Variants in IL22RA1 observed in about 807,000 individuals in gnomAD.
IL22RA1 encodes interleukin-22 receptor subunit alpha-1.
IL22RA1 carries 25 observed loss-of-function variants against 32.8 expected under a neutral mutation model. The ratio of observed to expected loss-of-function variants is 0.76; its 90% CI spans 0.55 to 1.06. The LOEUF is 1.06. Ranked by LOEUF, IL22RA1 falls within the 50% of genes least tolerant of loss-of-function variation. The pLI, the probability that IL22RA1 is intolerant of heterozygous loss-of-function variation, is 0.00. For missense variants in IL22RA1, 709 were observed against 727.4 expected, an observed-to-expected ratio of 0.97 and a Z score of 0.29; for synonymous variants, 305 against 305.0, an observed-to-expected ratio of 1.00 and a Z score of 0.00.
rs751012724 is a variant in IL22RA1, at chr1:24,137,138, C to T, written c.348G>A (p.Leu116=). 25 of 1,612,844 alleles carry T rather than the reference C, an allele frequency of 1.6e-5. No homozygotes were observed. The South Asian group carries it at 2.3e-4, about 15-fold the overall frequency. Residue 116 remains leucine (L), a synonymous_variant, in exon 3 of 7, where the codon CTG becomes CTA. Coordinates refer to ENST00000270800, the MANE Select transcript of IL22RA1 (RefSeq NM_021258.4). ...ACAGGGGCTCCAACTCACTGTGCTG[C>T]AGAGAGCTGAACCTGTCAGTCATCT... is the stretch of plus-strand genomic sequence containing the variant. ...ATKMTDRFSS[L]QHTTLKPPDV... is the part of the protein sequence containing the mutation.
At chr1:24,125,437 A>G (rs1249781592) in intron 5 of IL22RA1, among the ~76,000 whole-genome samples, 1 of 152,206 alleles carries the variant, frequency 6.6e-6, no homozygotes, top group Non-Finnish European at 1.5e-5. Flanking sequence ...AGATGCTGGG[A>G]CAATGCTCTG....
At chr1:24,131,759 A>C (rs1016477474) in intron 4 of IL22RA1, among the ~76,000 whole-genome samples, 1 of 152,158 alleles carries the variant, frequency 6.6e-6, no homozygotes, top group Non-Finnish European at 1.5e-5. Context: ...ACAATTAATC[A>C]CCTTTACCTA....
At position 24,134,307 on chromosome 1, in the gene IL22RA1, T is replaced by G. The variant is rs17852649; in HGVS notation, c.435A>C (p.Pro145=). The G allele has an allele frequency of 0.59, 938,710 of 1,604,604 alleles. 279,127 individuals are homozygous for G. The highest frequency in any genetic ancestry group is 0.71 in the Middle Eastern group (4,260 of 6,030). Residue 145 remains proline, a synonymous_variant, in exon 4 of 7, where the codon CCA becomes CCC. Transcript: ENST00000270800. ...IQMIVHPTPT[P]IRAGDGHRLT... ...GCCGGTGGCCATCGCCTGCACGGAT[T>G]GGCGTGGGGGTAGGATGAACAATCA... is the stretch of plus-strand genomic sequence containing the variant.
At chr1:24,135,900 G>T (rs1388319306) in intron 3 of IL22RA1, among the ~76,000 whole-genome samples, 4 of 152,132 alleles carry the variant, frequency 2.6e-5, no homozygotes, top group Non-Finnish European at 5.9e-5. Flanking sequence ...TTTGGGTGGG[G>T]ACATGGCCAA....
chr1:24,128,365 A>T, intron 4 of IL22RA1, 86 bp from the exon 5 acceptor site: 1 of 1,545,138 alleles, frequency 6.5e-7, no homozygotes, highest in Non-Finnish European at 8.9e-7. Context: ...CTCCTCCTGG[A>T]TTCTGGTTTG....
In IL22RA1 at chr1:24,138,628, C is replaced by A. The variant is rs199753143; in HGVS notation, c.130G>T (p.Gly44Trp). ...ACCGTGTCTGGGGTGCCCTCCGGCC[C>A]GCTGTCCCACGTCAGGATGTTTTCA... Reference protein sequence around the residue: ...NFENILTWDSGPEGTPDTVYS... With the variant: ...NFENILTWDSWPEGTPDTVYS... The change falls in exon 2 of 7, where the codon GGG (glycine) becomes TGG (tryptophan). Residue 44 changes from glycine to tryptophan, a missense_variant. Coordinates refer to ENST00000270800, the MANE Select transcript of IL22RA1 (RefSeq NM_021258.4). 38 of 1,613,976 alleles carry A rather than the reference C, an allele frequency of 2.4e-5. No homozygotes were observed. Among genetic ancestry groups the A allele is most frequent in the African/African-American group, 4.0e-5 (3 of 74,894 alleles).
chr1:24,134,937 C>T (rs769644242), intron 3 of IL22RA1: 14 of 561,118 alleles, frequency 2.5e-5, no homozygotes, highest in Non-Finnish European at 2.5e-5. Flanking sequence ...GGTCTTCTTC[C>T]TGCCAAAATG....
chr1:24,123,201 C>G, intron 6 of IL22RA1, 101 bp downstream of exon 6: 1 of 1,481,324 alleles, frequency 6.8e-7, no homozygotes, highest in Non-Finnish European at 9.0e-7. Context: ...GGCCCATCTC[C>G]TGCTTTGTCT....
chr1:24,132,419 C>T (rs1413136368), intron 4 of IL22RA1, among the ~76,000 whole-genome samples: 1 of 150,926 alleles, frequency 6.6e-6, no homozygotes, highest in Non-Finnish European at 1.5e-5. Context: ...GCAAGCTCCA[C>T]CTCCCGGGTT....
At chr1:24,143,001 G>A in intron 1 of IL22RA1, 39 bp downstream of exon 1, 1 of 1,597,708 alleles carries the variant, frequency 6.3e-7, no homozygotes, top group Non-Finnish European at 8.6e-7. Context: ...TGGCCCCTGG[G>A]ATAAGGGAGG....
In IL22RA1 at chr1:24,134,353, G is replaced by A; in HGVS notation, c.389C>T (p.Ser130Phe). 6.3e-7 allele frequency: 1 copy of A among 1,576,608 alleles called. No homozygotes were observed. The highest frequency in any genetic ancestry group is 8.6e-7 in the Non-Finnish European group (1 of 1,159,700). Residue 130 changes from serine (S) to phenylalanine (F), a missense_variant, in exon 4 of 7, where the codon TCC becomes TTC. By Grantham distance (155) the Ser-to-Phe change is radical (BLOSUM62 -2). Transcript: ENST00000270800. Reference sequence around the variant, plus strand: ...AATCATCTGAATCGATCTCACTTTGGAGATACAGGTCACATCAGGTGGCTT... The same window carrying A: ...AATCATCTGAATCGATCTCACTTTGAAGATACAGGTCACATCAGGTGGCTT... ...TLKPPDVTCI[S>F]KVRSIQMIVH...
chr1:24,126,883 T>C (rs1045598503), intron 5 of IL22RA1, among the ~76,000 whole-genome samples: 3 of 152,038 alleles, frequency 2.0e-5, no homozygotes, highest in Non-Finnish European at 4.4e-5. Flanking sequence ...TTCAAAACTA[T>C]ATCTAGGCTG....
intron 4 of IL22RA1, 126 bp from the exon 5 acceptor site, chr1:24,128,405 T>C (rs1260406837): frequency 8.9e-7 from 1 of 1,125,714 alleles, no homozygotes; most frequent in East Asian, 2.4e-5. Flanking sequence ...CAGCCTCTGT[T>C]TCCATTCCCC....
At chr1:24,123,819 A>G (rs1490101477) in intron 5 of IL22RA1, among the ~76,000 whole-genome samples, 2 of 151,848 alleles carry the variant, frequency 1.3e-5, no homozygotes, top group Non-Finnish European at 2.9e-5. Flanking sequence ...TCCATCCCAC[A>G]CTGCCAGGGC....
In IL22RA1 at chr1:24,120,617, G is replaced by T; in HGVS notation, c.*188C>A. 1.7e-6 allele frequency: 1 copy of T among 587,362 alleles called. No individual in the cohort carries two copies. Among genetic ancestry groups the T allele is most frequent in the Non-Finnish European group, 3.0e-6 (1 of 335,210 alleles). 36.4% of individuals were successfully genotyped at this position (587,362 alleles called of 1,614,324 possible). A position where few individuals can be genotyped will look rare whatever the true frequency, so the allele number is the denominator to read the frequency against. On this transcript the variant is annotated 3_prime_UTR_variant, in exon 7 of 7. Coordinates refer to ENST00000270800, the MANE Select transcript of IL22RA1 (RefSeq NM_021258.4). The stretch of plus-strand genomic sequence containing the variant: ...GCTCCCCCGCTGCAGTCCTTATCAT[G>T]CTGCTTTGCTCCGGTGAGGAGCGCA...
At chr1:24,122,526 TGG>T (rs1216317337) in intron 6 of IL22RA1, among the ~76,000 whole-genome samples, 1 of 152,184 alleles carries the variant, frequency 6.6e-6, no homozygotes. Flanking sequence ...CCAGGTGCAG[TGG>T]CTCACGCTTG....
At position 24,121,657 on chromosome 1, in the gene IL22RA1, G is replaced by C; in HGVS notation, c.873C>G (p.Gly291=). The C allele has an allele frequency of 1.2e-6, 2 of 1,609,384 alleles. No homozygotes were observed. Among genetic ancestry groups the C allele is most frequent in the Non-Finnish European group, 1.7e-6 (2 of 1,177,174 alleles). ...HVLIPVFDLS[G]PSSLAQPVQY... is the part of the protein sequence containing the mutation. ...GGACAGGCTGGGCCAGACTGCTGGG[G>C]CCGCTGAGGTCAAAGACAGGGATCA... The change falls in exon 7 of 7, where the codon GGC becomes GGG. Residue 291 remains glycine, a synonymous_variant. Coordinates refer to ENST00000270800, the MANE Select transcript of IL22RA1 (RefSeq NM_021258.4).
intron 5 of IL22RA1, among the ~76,000 whole-genome samples, chr1:24,124,356 G>A (rs929536206): frequency 2.6e-5 from 4 of 152,156 alleles, no homozygotes; most frequent in African/African-American, 7.2e-5. Context: ...GCACTGTCCT[G>A]TCTAAAATGG....
chr1:24,133,565 T>C (rs1045764139), intron 4 of IL22RA1, among the ~76,000 whole-genome samples: 2 of 152,216 alleles, frequency 1.3e-5, no homozygotes, highest in African/African-American at 2.4e-5. Flanking sequence ...GCCTTCCACC[T>C]CTTATTATTA....
Sources: gnomAD v4.1 joint callset for allele counts (sites outside exome capture counted in the v4.1 genomes callset) on GRCh38, gnomAD v4.1.1 for gene constraint, MANE v1.5 for transcripts, NCBI Gene and HGNC (gene_info 2026-07-23, HGNC 2026-07-21) for gene names.